Variants in MBD5 observed in about 807,000 individuals in gnomAD.
MBD5 encodes the protein methyl-CpG binding domain protein 5.
In MBD5, 13 loss-of-function variants were observed where a neutral mutation model predicts 117.3. The observed-to-expected ratio is 0.11, with a 90% CI of 0.07 to 0.18. MBD5 has a LOEUF of 0.18. MBD5 is among the 10% of genes least tolerant of loss of function. The probability of loss-of-function intolerance (pLI) is 1.00; values close to 1 mark genes in which losing one functional copy is unlikely to be tolerated. For missense variants in MBD5, 1,879 were observed against 2,093.8 expected (o/e 0.90, Z 2.00); for synonymous variants, 727 against 766.4 (o/e 0.95, Z 0.85).
chr2:148,083,653 A>G (rs527858467), intron 1 of MBD5, among the ~76,000 whole-genome samples: 1 of 151,790 alleles, frequency 6.6e-6, no homozygotes, highest in Non-Finnish European at 1.5e-5. Flanking sequence ...TTTGAGACGG[A>G]GTCTTGCTGT....
intron 1 of MBD5, among the ~76,000 whole-genome samples, chr2:148,161,574 T>A (rs1226218899): frequency 6.6e-6 from 1 of 152,212 alleles, no homozygotes; most frequent in Non-Finnish European, 1.5e-5. Context: ...TTCCTTCACG[T>A]TGCAGTAGGA....
At chr2:148,243,141 A>C (rs1700253686) in intron 3 of MBD5, among the ~76,000 whole-genome samples, 1 of 151,404 alleles carries the variant, frequency 6.6e-6, no homozygotes, top group African/African-American at 2.4e-5. Context: ...AAAAAAAAAA[A>C]ACTGCTCAGT....
In MBD5 at chr2:148,176,779, C is replaced by T. The variant is rs560972648; in HGVS notation, c.-924-1921C>T. Among the ~76,000 whole-genome samples the T allele has an allele frequency of 2.0e-4, 30 of 151,134 alleles. 1 individual carries two copies. In the South Asian group the frequency reaches 5.0e-3, roughly 25 times the overall value. On this transcript the variant is annotated intron_variant, in intron 1 of 13. Coordinates refer to ENST00000642680, the MANE Select transcript of MBD5 (RefSeq NM_001378120.1). Reference sequence around the variant, plus strand: ...TTAGTAGTTATGAGAGAGAGAGAGACGATTCAAGACTTCATAAAATTTTTG... The same window carrying T: ...TTAGTAGTTATGAGAGAGAGAGAGATGATTCAAGACTTCATAAAATTTTTG...
At chr2:148,166,214 C>T (rs16828346) in intron 1 of MBD5, among the ~76,000 whole-genome samples, 3,928 of 152,200 alleles carry the variant, frequency 0.026, 97 homozygotes, top group African/African-American at 0.067. Flanking sequence ...ATGGCCCCAT[C>T]TTTATTTACT....
intron 11 of MBD5, among the ~76,000 whole-genome samples, chr2:148,496,883 G>A (rs893952402): frequency 1.3e-5 from 2 of 152,130 alleles, no homozygotes; most frequent in African/African-American, 4.8e-5. Flanking sequence ...TCTGCCATGA[G>A]AACTATTGTA....
At chr2:148,283,500 A>G (rs1401286527) in intron 3 of MBD5, among the ~76,000 whole-genome samples, 1 of 152,196 alleles carries the variant, frequency 6.6e-6, no homozygotes, top group Non-Finnish European at 1.5e-5. Context: ...TCGAAGCAGA[A>G]ATAGGCAGCC....
At position 148,469,959 on chromosome 2, in the gene MBD5, G is replaced by A; in HGVS notation, c.2016G>A (p.Gln672=). 6.2e-7 allele frequency: 1 copy of A among 1,613,970 alleles called. No homozygotes were observed. Among genetic ancestry groups the A allele is most frequent in the Non-Finnish European group, 8.5e-7 (1 of 1,179,902 alleles). ...PPTTVLSLLR[Q]SQMDSSAVPK... ...CGACAGTGTTGAGTTTGCTCAGACA[G>A]TCTCAAATGGATAGTTCTGCAGTTC... The change falls in exon 8 of 14, where the codon CAG becomes CAA. Residue 672 remains glutamine (Q), a synonymous_variant. Coordinates refer to ENST00000642680, the MANE Select transcript of MBD5 (RefSeq NM_001378120.1).
rs937878880 is a variant in MBD5, at chr2:148,515,316, A to G, written c.*2375A>G. 10 of 152,184 alleles carry G rather than the reference A, an allele frequency of 6.6e-5. No individual in the cohort carries two copies. The highest frequency in any genetic ancestry group is 2.2e-4 in the African/African-American group (9 of 41,432). The allele number at this position is 152,184 out of a possible 1,614,324, so 9.4% of individuals were successfully genotyped here. On this transcript the variant is annotated 3_prime_UTR_variant, in exon 14 of 14. Coordinates refer to ENST00000642680, the MANE Select transcript of MBD5 (RefSeq NM_001378120.1). ...GCTTCCCTCCCATTGTATACTTTAC[A>G]TAAGTAGACCATGTAAAGTATGTTT...
intron 3 of MBD5, among the ~76,000 whole-genome samples, chr2:148,322,433 A>G (rs1243558806): frequency 1.3e-5 from 2 of 152,174 alleles, no homozygotes; most frequent in Admixed American, 6.5e-5. Context: ...ACATTCAATA[A>G]ATGTTTGTTA....
In MBD5 at chr2:148,203,833, T is replaced by A. The variant is rs1032204849; in HGVS notation, c.-831+25040T>A. The stretch of plus-strand genomic sequence containing the variant: ...CTGTAGCAACATAAGGTATGTTATG[T>A]GTACGATCAGAGAATAGATTGTGGA... On this transcript the variant is annotated intron_variant, in intron 2 of 13. Transcript: ENST00000642680. 7.6e-4 allele frequency among the ~76,000 whole-genome samples: 116 copies of A among 152,256 alleles called. 2 individuals are homozygous for A. The highest frequency in any genetic ancestry group is 7.7e-4 in the East Asian group (4 of 5,180).
chr2:148,231,977 G>C (rs1699999028), intron 2 of MBD5, among the ~76,000 whole-genome samples: 2 of 152,168 alleles, frequency 1.3e-5, no homozygotes, highest in South Asian at 4.1e-4. Flanking sequence ...AGACTGGTGA[G>C]AGAATCCTCT....
At chr2:148,345,335 A>G (rs1350272693) in intron 4 of MBD5, among the ~76,000 whole-genome samples, 1 of 149,718 alleles carries the variant, frequency 6.7e-6, no homozygotes, top group East Asian at 2.0e-4. Context: ...ATATATGTAT[A>G]TACACATATA....
chr2:148,262,304 A>C (rs1700750258), intron 3 of MBD5, among the ~76,000 whole-genome samples: 1 of 152,162 alleles, frequency 6.6e-6, no homozygotes, highest in Non-Finnish European at 1.5e-5. Flanking sequence ...AGGAATGTTT[A>C]CCAGAGGATG....
At chr2:148,373,743 T>C (rs1288117665) in intron 4 of MBD5, among the ~76,000 whole-genome samples, 1 of 152,186 alleles carries the variant, frequency 6.6e-6, no homozygotes, top group African/African-American at 2.4e-5. Context: ...CCAAATAAGC[T>C]ACTCTCAGTG....
chr2:148,376,247 A>G (rs1055962838), intron 4 of MBD5, among the ~76,000 whole-genome samples: 1 of 147,128 alleles, frequency 6.8e-6, no homozygotes, highest in Non-Finnish European at 1.5e-5. Flanking sequence ...TATTCTTATT[A>G]TATTTCTTTT....
intron 1 of MBD5, among the ~76,000 whole-genome samples, chr2:148,126,615 T>C (rs878892561): frequency 3.9e-5 from 6 of 152,168 alleles, no homozygotes; most frequent in Admixed American, 3.3e-4. Context: ...TTTATACTTA[T>C]ATTTTTCAGG....
chr2:148,040,175 C>T (rs1415212748), intron 1 of MBD5, among the ~76,000 whole-genome samples: 8 of 151,976 alleles, frequency 5.3e-5, no homozygotes, highest in African/African-American at 1.9e-4. Context: ...ACCCCTGAAC[C>T]TAAAATAAAA....
At chr2:148,228,674 A>C (rs1574163722) in intron 2 of MBD5, among the ~76,000 whole-genome samples, 1 of 152,218 alleles carries the variant, frequency 6.6e-6, no homozygotes, top group African/African-American at 2.4e-5. Flanking sequence ...GAATAGTTTC[A>C]GAAGAAATGG....
chr2:148,487,677 A>G (rs1425057808), intron 10 of MBD5, among the ~76,000 whole-genome samples: 2 of 152,144 alleles, frequency 1.3e-5, no homozygotes, highest in African/African-American at 4.8e-5. Flanking sequence ...AAATGGAGGA[A>G]CAGTGAATAG....
Sources: allele counts gnomAD v4.1 joint callset (sites outside exome capture counted in the v4.1 genomes callset), GRCh38; gene constraint gnomAD v4.1.1; transcripts MANE v1.5; gene names NCBI Gene and HGNC (gene_info 2026-07-23, HGNC 2026-07-21).